RARB: variants seen among roughly 807,000 people sequenced by gnomAD.
The protein encoded by RARB is retinoic acid receptor beta.
A neutral mutation model predicts 51.9 loss-of-function variants in RARB; 17 were observed. That is an observed-to-expected ratio of 0.33 (90% CI 0.22 to 0.49). RARB has a LOEUF of 0.49. RARB is among the 20% of genes least tolerant of loss of function. The pLI is 0.99. For synonymous variants in RARB, 215 were observed against 195.4 expected, an observed-to-expected ratio of 1.10 and a Z score of -0.84; for missense variants, 369 against 550.8, an observed-to-expected ratio of 0.67 and a Z score of 3.30.
Position 25,523,787 on chromosome 3 carries a change from G to A in RARB, c.448+22464G>A, listed in dbSNP as rs181530607. Among the ~76,000 whole-genome samples, 394 of 152,242 alleles carry A rather than the reference G, an allele frequency of 2.6e-3. 8 individuals are homozygous for A. Among genetic ancestry groups the A allele is most frequent in the Admixed American group, 0.021 (315 of 15,298 alleles). Reference sequence around the variant, plus strand: ...CCTCACTCACACTTTCGGAGCTAAAGGGGGAAAAAATAACCATAAAACTTC... The same window carrying A: ...CCTCACTCACACTTTCGGAGCTAAAAGGGGAAAAAATAACCATAAAACTTC... On this transcript the variant is annotated intron_variant, in intron 3 of 7. Transcript: ENST00000330688.
intron 2 of RARB, among the ~76,000 whole-genome samples, chr3:24,996,005 A>G (rs1443440978): frequency 1.3e-5 from 2 of 152,068 alleles, no homozygotes; most frequent in South Asian, 2.1e-4. Flanking sequence ...TTCCTCTCCA[A>G]TATTTTGTAA....
intron 3 of RARB, among the ~76,000 whole-genome samples, chr3:25,568,248 G>C (rs533533165): frequency 1.3e-5 from 2 of 152,206 alleles, no homozygotes; most frequent in Non-Finnish European, 2.9e-5. Context: ...GAATAAGTAA[G>C]TGAGTCCAAG....
At chr3:24,847,266 G>T (rs1426767496) in intron 1 of RARB, among the ~76,000 whole-genome samples, 1 of 152,172 alleles carries the variant, frequency 6.6e-6, no homozygotes, top group Non-Finnish European at 1.5e-5. Flanking sequence ...TGAAAGGTGT[G>T]ATAATGTAAC....
intron 2 of RARB, among the ~76,000 whole-genome samples, chr3:24,967,171 G>A (rs1696294158): frequency 6.6e-6 from 1 of 152,022 alleles, no homozygotes; most frequent in African/African-American, 2.4e-5. Flanking sequence ...GTAATGGCCA[G>A]AGCTGCCTTG....
intron 2 of RARB, among the ~76,000 whole-genome samples, chr3:24,940,111 G>T (rs532451019): frequency 6.6e-5 from 10 of 152,324 alleles, no homozygotes; most frequent in African/African-American, 2.2e-4. Flanking sequence ...CAGTAGAAAA[G>T]AAATGTCATT....
intron 5 of RARB, among the ~76,000 whole-genome samples, chr3:25,409,283 C>T (rs1179246886): frequency 6.6e-6 from 1 of 152,144 alleles, no homozygotes; most frequent in East Asian, 1.9e-4. Context: ...AGAGACCATA[C>T]AACTGACTTT....
intron 2 of RARB, among the ~76,000 whole-genome samples, chr3:24,980,448 TCTTGGAGG>T (rs976157202): frequency 5.9e-5 from 9 of 152,200 alleles, no homozygotes. Context: ...GTCCCATATT[TCTTGGAGG>T]CTTTATTTGT....
intron 1 of RARB, among the ~76,000 whole-genome samples, chr3:24,858,143 C>T (rs908783795): frequency 2.2e-4 from 34 of 152,042 alleles, no homozygotes; most frequent in African/African-American, 4.6e-4. Context: ...AAATTGCTGA[C>T]GTAGTAATTG....
intron 1 of RARB, among the ~76,000 whole-genome samples, chr3:24,854,641 A>G (rs1702609543): frequency 1.3e-5 from 2 of 152,272 alleles, no homozygotes; most frequent in South Asian, 4.1e-4. Flanking sequence ...CTTGATGCAT[A>G]GTAGCATTTA....
chr3:25,408,926 T>TG (rs1291107422), intron 5 of RARB, among the ~76,000 whole-genome samples: 1 of 151,886 alleles, frequency 6.6e-6, no homozygotes, highest in Non-Finnish European at 1.5e-5. Context: ...CCCAGCTACT[T>TG]GGGGGGCTGA....
intron 2 of RARB, among the ~76,000 whole-genome samples, chr3:24,934,179 C>T (rs940767089): frequency 6.6e-6 from 1 of 152,110 alleles, no homozygotes; most frequent in African/African-American, 2.4e-5. Context: ...TTGGTCCTAG[C>T]TAGCCAGAGG....
chr3:25,220,312 G>C (rs988357949), intron 5 of RARB, among the ~76,000 whole-genome samples: 11 of 152,140 alleles, frequency 7.2e-5, no homozygotes, highest in African/African-American at 1.9e-4. Context: ...CAGTAACTTA[G>C]ATGTTGTGTT....
intron 2 of RARB, among the ~76,000 whole-genome samples, chr3:24,915,876 G>A (rs1056180732): frequency 8.5e-5 from 13 of 152,124 alleles, no homozygotes; most frequent in African/African-American, 3.1e-4. Context: ...GATTTCTGAA[G>A]CCAAGAAACA....
At chr3:25,451,458 C>T (rs943147968) in intron 1 of RARB, among the ~76,000 whole-genome samples, 4 of 152,284 alleles carry the variant, frequency 2.6e-5, no homozygotes, top group Admixed American at 1.3e-4. Flanking sequence ...CAAGAAAACC[C>T]ACACAGTGAG....
chr3:25,295,501 G>A (rs1036752909), intron 5 of RARB, among the ~76,000 whole-genome samples: 9 of 152,280 alleles, frequency 5.9e-5, no homozygotes, highest in African/African-American at 1.9e-4. Context: ...CATTGTTTAT[G>A]TATTACCCAG....
chr3:25,010,975 A>T (rs929493643), intron 2 of RARB, among the ~76,000 whole-genome samples: 2 of 152,094 alleles, frequency 1.3e-5, no homozygotes, highest in African/African-American at 4.8e-5. Flanking sequence ...CATCCCTGCA[A>T]TGCTCAGCAT....
chr3:24,853,081 G>A (rs1319023857), intron 1 of RARB, among the ~76,000 whole-genome samples: 3 of 151,864 alleles, frequency 2.0e-5, no homozygotes, highest in South Asian at 2.1e-4. Context: ...TTGGGAGGCC[G>A]AGACGGGTGG....
intron 3 of RARB, among the ~76,000 whole-genome samples, chr3:25,092,288 G>A (rs772509559): frequency 6.6e-6 from 1 of 152,106 alleles, no homozygotes; most frequent in Non-Finnish European, 1.5e-5. Flanking sequence ...GAACAGAATG[G>A]CAAAGCAAAT....
At chr3:25,328,245 T>C (rs781455708) in intron 5 of RARB, among the ~76,000 whole-genome samples, 6 of 152,180 alleles carry the variant, frequency 3.9e-5, no homozygotes, top group Non-Finnish European at 8.8e-5. Flanking sequence ...CTAGGCCGGG[T>C]GCAGTGGCTT....
Sources: gnomAD v4.1 joint callset for allele counts (sites outside exome capture counted in the v4.1 genomes callset) on GRCh38, gnomAD v4.1.1 for gene constraint, MANE v1.5 for transcripts, NCBI Gene and HGNC (gene_info 2026-07-23, HGNC 2026-07-21) for gene names.